The following DST variants were observed in gnomAD, a reference collection of about 807,000 sequenced individuals.
The protein encoded by DST is bullous pemphigoid antigen.
In DST, 253 loss-of-function variants were observed where a neutral mutation model predicts 875.2. The observed-to-expected ratio is 0.29, with a 90% confidence interval of 0.26 to 0.32. DST has a LOEUF of 0.32. Ranked by LOEUF, DST falls within the 10% of genes least tolerant of loss-of-function variation. The pLI, the probability that DST is intolerant of heterozygous loss-of-function variation, is 1.00. For missense variants in DST, 8,287 were observed against 9,111.6 expected, an observed-to-expected ratio of 0.91 and a Z score of 3.68; for synonymous variants, 3,124 against 3,197.1, an observed-to-expected ratio of 0.98 and a Z score of 0.77.
intron 4 of DST, chr6:56,843,698 GGGAGGGAGGAGGGTGGAGGGTGGAGGGT>G: frequency 1.1e-6 from 1 of 936,070 alleles, no homozygotes; most frequent in Non-Finnish European, 1.3e-6. Flanking sequence ...CGGGGAGAGA[GGGAGGGAGGAGGGTGGAGGGTGGAGGGT>G]GGAGAGTGGA....
chr6:56,611,591 G>A lies in DST; in HGVS notation c.5064C>T (p.Ser1688=). ...CCTTCTTGGTTGATATTTCCTCACT[G>A]GAAATCTGTAAGGTAAAGAAGGCAC... ...GKPPFSKQKI[S]SEEISTKKEQ... Residue 1688 remains serine, a synonymous_variant, in exon 38 of 104, where the codon TCC becomes TCT. Coordinates refer to ENST00000680361, the MANE Select transcript of DST (RefSeq NM_001374736.1). 6.2e-7 allele frequency: 1 copy of A among 1,608,306 alleles called. No individual in the cohort carries two copies. Among genetic ancestry groups the A allele is most frequent in the South Asian group, 1.1e-5 (1 of 90,594 alleles).
At chr6:56,829,710 A>G (rs2099784862) in intron 4 of DST, among the ~76,000 whole-genome samples, 1 of 152,200 alleles carries the variant, frequency 6.6e-6, no homozygotes, top group Admixed American at 6.5e-5. Context: ...AACTCTTTTT[A>G]AAAATATAAA....
chr6:56,863,013 G>A (rs1772071822), intron 3 of DST: 1 of 152,264 alleles, frequency 6.6e-6, no homozygotes, highest in Admixed American at 6.5e-5. Flanking sequence ...ACTGGTTTAA[G>A]ATACAAGGCT....
At chr6:56,802,726 T>C (rs1477234353) in intron 4 of DST, among the ~76,000 whole-genome samples, 2 of 152,180 alleles carry the variant, frequency 1.3e-5, no homozygotes, top group African/African-American at 4.8e-5. Flanking sequence ...GGGAGCCTGA[T>C]GCAGGAAAGG....
At chr6:56,920,856 G>A (rs1803777913) in intron 2 of DST, among the ~76,000 whole-genome samples, 1 of 142,380 alleles carries the variant, frequency 7.0e-6, no homozygotes, top group Non-Finnish European at 1.5e-5. Context: ...AGCCTCCGGA[G>A]TAGCTGTGAC....
intron 50 of DST, among the ~76,000 whole-genome samples, chr6:56,574,658 C>G (rs1014348482): frequency 2.0e-5 from 3 of 151,860 alleles, no homozygotes; most frequent in East Asian, 3.9e-4. Flanking sequence ...AAAAAAAAAC[C>G]CTTTCTCGTC....
intron 4 of DST, among the ~76,000 whole-genome samples, chr6:56,811,700 C>A (rs1034295586): frequency 1.3e-5 from 2 of 152,142 alleles, no homozygotes; most frequent in Admixed American, 1.3e-4. Flanking sequence ...TTTTCACCAA[C>A]CACAATCTGA....
chr6:56,815,648 C>G (rs1357427298), intron 4 of DST, among the ~76,000 whole-genome samples: 1 of 152,142 alleles, frequency 6.6e-6, no homozygotes, highest in Non-Finnish European at 1.5e-5. Context: ...TCTGCCTCCC[C>G]TAAGTTCAGA....
chr6:56,782,758 T>C (rs1335828089), intron 4 of DST, among the ~76,000 whole-genome samples: 1 of 152,230 alleles, frequency 6.6e-6, no homozygotes, highest in South Asian at 2.1e-4. Flanking sequence ...TTTCTTGCCT[T>C]CTGTTAGCTT....
intron 3 of DST, among the ~76,000 whole-genome samples, chr6:56,880,265 T>G (rs1781490096): frequency 6.6e-6 from 1 of 152,232 alleles, no homozygotes; most frequent in Non-Finnish European, 1.5e-5. Flanking sequence ...GTGCTAAGGT[T>G]TAGAACACAA....
At chr6:56,616,598 C>T (rs1211399000) in intron 36 of DST, 2 of 1,614,112 alleles carry the variant, frequency 1.2e-6, no homozygotes, top group East Asian at 2.2e-5. Context: ...AGGGAAAACT[C>T]TTGTGTTGCT....
In DST at chr6:56,639,714, A is replaced by C. The variant is rs2152776541; in HGVS notation, c.2679T>G (p.Ser893Arg). Residue 893 changes from serine (S) to arginine (R), a missense_variant, in exon 20 of 104, where the codon AGT becomes AGG. Around this residue, in one of 10 missense-constraint regions of DST, gnomAD observed 1,160 missense variants for 1,424.3 expected, o/e 0.81. Transcript: ENST00000680361. ...AACTTACCAAGAGTTTTGCATACTGACTCTCTAATCTGTGCAACTTTTCTG... is the reference window on the plus strand; with the variant it reads ...AACTTACCAAGAGTTTTGCATACTGCCTCTCTAATCTGTGCAACTTTTCTG... ...TYAEKLHRLE[S>R]QYAKLLNTSR... 4 of 1,613,536 alleles carry C rather than the reference A, an allele frequency of 2.5e-6. No homozygotes were observed. The highest frequency in any genetic ancestry group is 3.4e-6 in the Non-Finnish European group (4 of 1,179,778).
In DST at chr6:56,462,415, A is replaced by T. The variant is rs574429782; in HGVS notation, c.23070+631T>A. On this transcript the variant is annotated intron_variant, in intron 102 of 103. Coordinates refer to ENST00000680361, the MANE Select transcript of DST (RefSeq NM_001374736.1). ...GCTTAAATTAGTTATTAAAATCTTTAAAAAAAACCCATACATTTATTACCT... is the reference window on the plus strand; with the variant it reads ...GCTTAAATTAGTTATTAAAATCTTTTAAAAAAACCCATACATTTATTACCT... Among the ~76,000 whole-genome samples the T allele has an allele frequency of 3.0e-4, 45 of 151,934 alleles. No individual in the cohort carries two copies. The East Asian group carries it at 3.7e-3, about 12-fold the overall frequency.
At chr6:56,729,734 C>T (rs1028127077) in intron 5 of DST, among the ~76,000 whole-genome samples, 7 of 151,970 alleles carry the variant, frequency 4.6e-5, no homozygotes, top group African/African-American at 1.7e-4. Context: ...CTAAAAGATA[C>T]CACTGTGTTC....
rs11377589 is a variant in DST at position 56,567,472 on chromosome 6, C to CA, written c.14005+996dup. On this transcript the variant is annotated intron_variant, in intron 55 of 103. Transcript: ENST00000680361. ...AATCCCAAAGCAACAGCAACAACAA[C>CA]AAAAAAAACACTTGATATTTATGGC... 1.9e-3 allele frequency among the ~76,000 whole-genome samples: 221 copies of CA among 115,526 alleles called. 3 individuals are homozygous for CA. In the East Asian group the frequency reaches 0.029, roughly 15 times the overall value. The allele number at this position is 115,526 out of a possible 152,430, so 75.8% of individuals were successfully genotyped here. A position where few individuals can be genotyped will look rare whatever the true frequency, so the allele number is the denominator to read the frequency against.
rs947377489 is a variant in DST at position 56,954,790 on chromosome 6, C to A, written c.-203G>T. Among the ~76,000 whole-genome samples, 17 of 149,992 alleles carry A rather than the reference C, an allele frequency of 1.1e-4. No homozygotes were observed. Among genetic ancestry groups the A allele is most frequent in the Admixed American group, 4.6e-4 (7 of 15,120 alleles). ...GCGAGTGATCCAGGGCTGCGGGGAG[C>A]GCTTGCCATGACTCAGCAGACAGCG... On this transcript the variant is annotated 5_prime_UTR_variant, in exon 1 of 104. Coordinates refer to ENST00000680361, the MANE Select transcript of DST (RefSeq NM_001374736.1).
intron 4 of DST, among the ~76,000 whole-genome samples, chr6:56,790,840 C>A (rs540640456): frequency 6.6e-6 from 1 of 152,318 alleles, no homozygotes; most frequent in South Asian, 2.1e-4. Context: ...TACAAGAAAG[C>A]TTTCCGTTGT....
At chr6:56,616,583 G>A (rs2098625420) in intron 36 of DST, 2 of 1,614,074 alleles carry the variant, frequency 1.2e-6, no homozygotes, top group South Asian at 2.2e-5. Context: ...CTTGTTATTG[G>A]GATTAGGGAA....
chr6:56,812,544 T>G (rs187728161), intron 4 of DST, among the ~76,000 whole-genome samples: 41 of 152,316 alleles, frequency 2.7e-4, no homozygotes, highest in African/African-American at 9.4e-4. Flanking sequence ...AAACTAAGAT[T>G]TACTTGCCAA....
Sources: gnomAD v4.1 joint callset for allele counts (sites outside exome capture counted in the v4.1 genomes callset) on GRCh38, gnomAD v4.1.1 for gene constraint, gnomAD v4.1.1 regional missense constraint, MANE v1.5 for transcripts, NCBI Gene and HGNC (gene_info 2026-07-23, HGNC 2026-07-21) for gene names.